Variants in ADAD1 observed in about 807,000 individuals in gnomAD.
ADAD1 encodes adenosine deaminase domain containing 1.
ADAD1 carries 46 observed loss-of-function variants against 66.8 expected under a neutral mutation model. The observed-to-expected ratio is 0.69, with a 90% CI of 0.54 to 0.88. The LOEUF is 0.88. Ranked by LOEUF, ADAD1 falls within the 40% of genes least tolerant of loss-of-function variation. The probability of loss-of-function intolerance (pLI) is 0.00; values close to 1 mark genes in which losing one functional copy is unlikely to be tolerated. For synonymous variants in ADAD1, 248 were observed against 229.4 expected (o/e 1.08, Z -0.73); for missense variants, 617 against 681.8 (o/e 0.91, Z 1.06).
Position 122,380,242 on chromosome 4 carries a change from G to C in ADAD1, c.172+1G>C. On this transcript the variant is annotated splice_donor_variant, in intron 3 of 12. Coordinates refer to ENST00000296513, the MANE Select transcript of ADAD1 (RefSeq NM_139243.4). LOFTEE classifies it high-confidence loss of function. ...GCATCCAAGGTTACGCAAGTAACGG[G>C]TACGACTTTTTTCATTTGTAACAAT... 6.2e-7 allele frequency: 1 copy of C among 1,601,826 alleles called. No individual in the cohort carries two copies.
At chr4:122,387,813 G>A (rs554963251) in intron 5 of ADAD1, among the ~76,000 whole-genome samples, 2 of 150,634 alleles carry the variant, frequency 1.3e-5, no homozygotes, top group South Asian at 2.1e-4. Flanking sequence ...AGGCTGGAGT[G>A]CAATGGCATG....
intron 3 of ADAD1, 54 bp from the exon 4 acceptor site, chr4:122,380,938 C>T (rs527970951): frequency 4.0e-6 from 6 of 1,481,872 alleles, no homozygotes; most frequent in African/African-American, 2.9e-5. Context: ...TGCTTTTGCT[C>T]ATTTTTGTTT....
intron 7 of ADAD1, among the ~76,000 whole-genome samples, chr4:122,397,476 T>C (rs759296993): frequency 6.6e-5 from 10 of 152,208 alleles, no homozygotes; most frequent in Non-Finnish European, 1.3e-4. Flanking sequence ...TAGGATTAGA[T>C]ATAATAATGT....
At chr4:122,409,864 C>CT (rs998687621) in intron 8 of ADAD1, among the ~76,000 whole-genome samples, 1 of 151,858 alleles carries the variant, frequency 6.6e-6, no homozygotes, top group African/African-American at 2.4e-5. Context: ...CATACCCGGC[C>CT]TTTTTTTGTA....
chr4:122,407,146 G>T (rs1427803808), intron 7 of ADAD1, among the ~76,000 whole-genome samples: 1 of 152,152 alleles, frequency 6.6e-6, no homozygotes, highest in African/African-American at 2.4e-5. Context: ...CCATTAGGCG[G>T]TTGTGAATGT....
At chr4:122,387,275 T>G (rs1018554021) in intron 5 of ADAD1, among the ~76,000 whole-genome samples, 4 of 152,178 alleles carry the variant, frequency 2.6e-5, no homozygotes, top group African/African-American at 9.7e-5. Context: ...GTTGTATTCC[T>G]AGGTATTTTA....
intron 12 of ADAD1, among the ~76,000 whole-genome samples, chr4:122,422,613 A>G (rs1293581549): frequency 1.3e-5 from 2 of 152,230 alleles, no homozygotes; most frequent in Non-Finnish European, 2.9e-5. Context: ...ATGTATACAT[A>G]ATCACATATT....
At chr4:122,428,678 A>G (rs1413694884) in intron 12 of ADAD1, among the ~76,000 whole-genome samples, 2 of 152,230 alleles carry the variant, frequency 1.3e-5, no homozygotes, top group East Asian at 1.9e-4. Flanking sequence ...GTTAATTTAT[A>G]TGAATTTTTT....
At chr4:122,405,161 G>T (rs1796150225) in intron 7 of ADAD1, among the ~76,000 whole-genome samples, 1 of 152,156 alleles carries the variant, frequency 6.6e-6, no homozygotes, top group African/African-American at 2.4e-5. Flanking sequence ...TTCATGGCAT[G>T]ACATCCGTAT....
rs575025883 is a variant in ADAD1 at position 122,429,651 on chromosome 4, C to G, written c.1643C>G (p.Ala548Gly). Residue 548 changes from alanine to glycine, a missense_variant, in exon 13 of 13, where the codon GCT becomes GGT. Ala to Gly is a moderately conservative substitution (Grantham distance 60). Coordinates refer to ENST00000296513, the MANE Select transcript of ADAD1 (RefSeq NM_139243.4). ...TGTATGTCTGCCTCCTATCAAGAAG[C>G]TAAATGTAAGTTGAAATCCTACTTA... Reference protein sequence around the residue: ...AKCMSASYQEAKCKLKSYLQQ... With the variant: ...AKCMSASYQEGKCKLKSYLQQ... The G allele has an allele frequency of 1.1e-4, 171 of 1,613,014 alleles. 3 individuals carry two copies. The South Asian group carries it at 1.6e-3, about 16-fold the overall frequency.
intron 6 of ADAD1, among the ~76,000 whole-genome samples, chr4:122,395,230 T>G (rs570793801): frequency 1.5e-3 from 231 of 152,132 alleles, no homozygotes; most frequent in African/African-American, 5.3e-3. Flanking sequence ...TTTGCATTTT[T>G]AGTAGAGACA....
intron 11 of ADAD1, among the ~76,000 whole-genome samples, chr4:122,420,038 G>C (rs1006572580): frequency 1.3e-5 from 2 of 152,088 alleles, no homozygotes; most frequent in African/African-American, 4.8e-5. Context: ...ATTTGGACAA[G>C]GGAAATGAGA....
intron 12 of ADAD1, 70 bp downstream of exon 12, chr4:122,421,460 G>A (rs1420509773): frequency 6.8e-6 from 9 of 1,330,264 alleles, no homozygotes; most frequent in Non-Finnish European, 7.9e-6. Flanking sequence ...ATTTTAAAAT[G>A]GTTATCCTTA....
chr4:122,402,964 A>G (rs552852293), intron 7 of ADAD1, among the ~76,000 whole-genome samples: 1 of 152,290 alleles, frequency 6.6e-6, no homozygotes, highest in East Asian at 1.9e-4. Flanking sequence ...GGAGCTTAAT[A>G]ATCTTCTGAA....
intron 7 of ADAD1, among the ~76,000 whole-genome samples, chr4:122,403,778 G>A (rs1446811422): frequency 1.3e-5 from 2 of 152,156 alleles, no homozygotes; most frequent in East Asian, 1.9e-4. Flanking sequence ...TCGGCTACCA[G>A]CATAGGTTGA....
Position 122,429,706 on chromosome 4 carries a change from G to A in ADAD1, c.1698G>A (p.Val566=). The part of the protein sequence containing the change: ...LQQHGYGSWI[V]KSPCIEQFNM ...AACATGGCTATGGATCCTGGATTGTGAAATCTCCCTGCATAGAGCAATTTA... is the reference window on the plus strand; with the variant it reads ...AACATGGCTATGGATCCTGGATTGTAAAATCTCCCTGCATAGAGCAATTTA... Residue 566 remains valine (V), a synonymous_variant, in exon 13 of 13, where the codon GTG becomes GTA. Transcript: ENST00000296513. The A allele has an allele frequency of 6.2e-7, 1 of 1,612,936 alleles. No individual in the cohort carries two copies. Among genetic ancestry groups the A allele is most frequent in the South Asian group, 1.1e-5 (1 of 90,982 alleles).
intron 8 of ADAD1, among the ~76,000 whole-genome samples, chr4:122,408,868 C>T (rs1379001767): frequency 6.8e-6 from 1 of 147,996 alleles, no homozygotes; most frequent in Admixed American, 6.8e-5. Flanking sequence ...GGGCAATAGA[C>T]GTACATCTTG....
chr4:122,398,888 A>G (rs953820888), intron 7 of ADAD1, among the ~76,000 whole-genome samples: 1 of 151,240 alleles, frequency 6.6e-6, no homozygotes, highest in Non-Finnish European at 1.5e-5. Context: ...TGTCAGATGC[A>G]TAGTTTGCAA....
intron 8 of ADAD1, among the ~76,000 whole-genome samples, chr4:122,409,899 C>G (rs528473809): frequency 6.6e-6 from 1 of 152,194 alleles, no homozygotes; most frequent in East Asian, 1.9e-4. Flanking sequence ...TGTTGCTGGT[C>G]TTGACCTCCT....
Sources: gnomAD v4.1 joint callset for allele counts (sites outside exome capture counted in the v4.1 genomes callset) on GRCh38, gnomAD v4.1.1 for gene constraint, MANE v1.5 for transcripts, NCBI Gene and HGNC (gene_info 2026-07-23, HGNC 2026-07-21) for gene names.